Variants in KDM6A observed in about 807,000 individuals in gnomAD.
KDM6A encodes lysine-specific demethylase 6A.
Under a neutral mutation model 117.6 loss-of-function variants are expected in KDM6A, and 11 were observed. That is an observed-to-expected ratio of 0.09 (90% CI 0.06 to 0.15). KDM6A has a LOEUF of 0.15. Among genes scored for constraint, KDM6A ranks in the 10% least tolerant of loss-of-function variants. The probability of loss-of-function intolerance (pLI) is 1.00; values close to 1 mark genes in which losing one functional copy is unlikely to be tolerated. For missense variants in KDM6A, 799 were observed against 1,077.3 expected, an observed-to-expected ratio of 0.74 and a Z score of 3.62; for synonymous variants, 384 against 396.1, an observed-to-expected ratio of 0.97 and a Z score of 0.36.
At chrX:45,042,501 A>AC (rs1261650331) in intron 8 of KDM6A, among the ~76,000 whole-genome samples, 2 of 111,367 alleles carry the variant, frequency 1.8e-5, no homozygotes, top group Non-Finnish European at 3.8e-5. Flanking sequence ...CTGCTTACCT[A>AC]CCTATTAAAA....
At chrX:45,087,022 G>C (rs2045667958) in intron 25 of KDM6A, among the ~76,000 whole-genome samples, 1 of 112,645 alleles carries the variant, frequency 8.9e-6, no homozygotes, top group Non-Finnish European at 1.9e-5. Flanking sequence ...ACGGAGTCTT[G>C]CTCTGTTGCC....
chrX:45,019,094 C>T (rs1027959992), intron 5 of KDM6A, among the ~76,000 whole-genome samples: 2 of 111,275 alleles, frequency 1.8e-5, no homozygotes, highest in African/African-American at 3.3e-5. Context: ...TGTCCTCGTC[C>T]TAACCCTTTT....
At chrX:44,973,632 T>G (rs961103954) in intron 3 of KDM6A, among the ~76,000 whole-genome samples, 1 of 111,697 alleles carries the variant, frequency 9.0e-6, no homozygotes, top group Admixed American at 9.5e-5. Context: ...AGTCATAGCC[T>G]TCTTTTCTGG....
At chrX:44,995,202 T>G (rs1349485464) in intron 4 of KDM6A, among the ~76,000 whole-genome samples, 1 of 111,301 alleles carries the variant, frequency 9.0e-6, no homozygotes, top group Non-Finnish European at 1.9e-5. Context: ...TGGTACCTAA[T>G]TTGTTTCCTA....
rs185957435 is a variant in KDM6A at position 45,060,287 on chromosome X, G to A, written c.1329+131G>A. On this transcript the variant is annotated intron_variant, in intron 13 of 29. Coordinates refer to ENST00000611820, the MANE Select transcript of KDM6A (RefSeq NM_001291415.2). ...AAAGCCTTTTGATTTAATTGCAAAG[G>A]GAATCTAGATCAAAATAAAATTCCC... 5,679 of 1,042,523 alleles carry A rather than the reference G, an allele frequency of 5.4e-3. 19 individuals carry two copies. The highest frequency in any genetic ancestry group is 6.7e-3 in the Non-Finnish European group (5,136 of 770,533). The allele number at this position is 1,042,523 out of a possible 1,213,427, so 85.9% of individuals were successfully genotyped here. A position where few individuals can be genotyped will look rare whatever the true frequency, so the allele number is the denominator to read the frequency against.
intron 4 of KDM6A, among the ~76,000 whole-genome samples, chrX:44,994,175 A>G (rs1379832642): frequency 8.9e-6 from 1 of 112,165 alleles, no homozygotes; most frequent in African/African-American, 3.2e-5. Context: ...CATGCTCTGC[A>G]ATTGATCACT....
chrX:45,066,471 T>C (rs772598653), intron 17 of KDM6A, among the ~76,000 whole-genome samples: 3 of 111,300 alleles, frequency 2.7e-5, no homozygotes, highest in Admixed American at 9.6e-5. Context: ...AAAGATTCAG[T>C]AGAGAGGGAG....
intron 2 of KDM6A, among the ~76,000 whole-genome samples, chrX:44,911,039 G>A (rs756356294): frequency 9.7e-4 from 108 of 111,639 alleles, no homozygotes; most frequent in African/African-American, 3.3e-3. Context: ...GGTGGCGGCC[G>A]GGCAGAGGGG....
At chrX:44,989,309 C>G (rs923573019) in intron 4 of KDM6A, among the ~76,000 whole-genome samples, 3 of 104,858 alleles carry the variant, frequency 2.9e-5, no homozygotes, top group Non-Finnish European at 5.9e-5. Context: ...TCACCCCTTT[C>G]TTTGACTAGG....
chrX:45,047,619 A>G (rs1479525150), intron 8 of KDM6A, among the ~76,000 whole-genome samples: 1 of 87,795 alleles, frequency 1.1e-5, no homozygotes, highest in Non-Finnish European at 2.3e-5. Context: ...TTAATTCATT[A>G]GGATTATGTT....
intron 2 of KDM6A, among the ~76,000 whole-genome samples, chrX:44,904,386 A>G (rs111229367): frequency 0.11 from 12,720 of 111,174 alleles, 842 homozygotes; most frequent in African/African-American, 0.25. Context: ...ACAGCCCCTT[A>G]TCTGTGCTTG....
intron 2 of KDM6A, among the ~76,000 whole-genome samples, chrX:44,884,450 A>C (rs914494364): frequency 2.7e-5 from 3 of 111,607 alleles, no homozygotes; most frequent in African/African-American, 9.8e-5. Flanking sequence ...CACTTACTAG[A>C]TGTGTGATCC....
rs370768783 is a variant in KDM6A at position 44,987,094 on chromosome X, C to T, written c.384+12379C>T. On this transcript the variant is annotated intron_variant, in intron 4 of 29. Transcript: ENST00000611820. Reference sequence around the variant, plus strand: ...GACTTGCTTTATGAATCTGGGTGCTCCTGTATTGGGTGCATATATATTTAG... The same window carrying T: ...GACTTGCTTTATGAATCTGGGTGCTTCTGTATTGGGTGCATATATATTTAG... Among the ~76,000 whole-genome samples, 54 of 111,433 alleles carry T rather than the reference C, an allele frequency of 4.8e-4. No individual in the cohort carries two copies. In the East Asian group the frequency reaches 0.014, roughly 28 times the overall value.
At chrX:45,084,127 G>A (rs1343397261) in intron 24 of KDM6A, among the ~76,000 whole-genome samples, 2 of 111,800 alleles carry the variant, frequency 1.8e-5, no homozygotes, top group African/African-American at 3.3e-5. Flanking sequence ...ATCATGTGGA[G>A]ACATTACTAG....
At chrX:44,899,309 G>T (rs1357952218) in intron 2 of KDM6A, among the ~76,000 whole-genome samples, 2 of 102,963 alleles carry the variant, frequency 1.9e-5, no homozygotes, top group Non-Finnish European at 3.9e-5. Context: ...TTGCCAGAAA[G>T]GTTTCTTTTG....
chrX:45,061,483 ATTTTTTT>A (rs1161774144), intron 15 of KDM6A, 64 bp downstream of exon 15: 46 of 234,624 alleles, frequency 2.0e-4, no homozygotes, highest in African/African-American at 5.9e-4. Context: ...ACAAGTATTA[ATTTTTTT>A]TTTTTTTTTT....
intron 8 of KDM6A, among the ~76,000 whole-genome samples, chrX:45,049,863 A>G (rs2043754238): frequency 8.9e-6 from 1 of 112,416 alleles, no homozygotes; most frequent in Non-Finnish European, 1.9e-5. Flanking sequence ...TCTTGTATAT[A>G]TTTTTCACTA....
Position 45,059,378 on chromosome X carries a change from A to G in KDM6A, c.1106A>G (p.Gln369Arg), listed in dbSNP as rs1335822460. 4 of 1,211,017 alleles carry G rather than the reference A, an allele frequency of 3.3e-6. No homozygotes were observed. Among genetic ancestry groups the G allele is most frequent in the Non-Finnish European group, 4.5e-6 (4 of 894,908 alleles). The change falls in exon 12 of 30, where the codon CAG becomes CGG. Residue 369 changes from glutamine (Q) to arginine (R), a missense_variant. By Grantham distance (43) the Gln-to-Arg change is conservative (BLOSUM62 1). Transcript: ENST00000611820. ...CTCTATGAATCCTGCAACCAGCCTC[A>G]GGATGCCATTAAATGCTACTTAAAT... Reference protein sequence around the residue: ...GTLYESCNQPQDAIKCYLNAT... With the variant: ...GTLYESCNQPRDAIKCYLNAT...
intron 2 of KDM6A, among the ~76,000 whole-genome samples, chrX:44,899,495 T>C (rs1317634707): frequency 2.0e-5 from 2 of 101,182 alleles, no homozygotes. Flanking sequence ...AAGCTTACCC[T>C]TTTCCCAGCC....
Sources: allele counts gnomAD v4.1 joint callset (sites outside exome capture counted in the v4.1 genomes callset), GRCh38; gene constraint gnomAD v4.1.1; transcripts MANE v1.5; gene names NCBI Gene and HGNC (gene_info 2026-07-23, HGNC 2026-07-21).